Variants in MCF2L2 observed in about 807,000 individuals in gnomAD.
The protein encoded by MCF2L2 is probable guanine nucleotide exchange factor MCF2L2.
Under a neutral mutation model 150.2 loss-of-function variants are expected in MCF2L2, and 102 were observed. That is an observed-to-expected ratio of 0.68 (90% CI 0.58 to 0.80). The LOEUF is 0.80. MCF2L2 is among the 30% of genes least tolerant of loss of function. The pLI, the probability that MCF2L2 is intolerant of heterozygous loss-of-function variation, is 0.00. For synonymous variants in MCF2L2, 465 were observed against 491.3 expected (o/e 0.95, Z 0.71); for missense variants, 1,256 against 1,372.8 (o/e 0.91, Z 1.34).
In MCF2L2 at chr3:183,224,142, C is replaced by T; in HGVS notation, c.2164G>A (p.Ala722Thr). ...YFKYHKNLPR[A>T]RAIWQECQDC... The stretch of plus-strand genomic sequence containing the variant: ...TGACACTCTTGCCAGATTGCCCTAG[C>T]TCGGGGCAGATTCTTATGGTATTTA... The change falls in exon 19 of 30, where the codon GCT becomes ACT. Residue 722 changes from alanine (A) to threonine (T), a missense_variant. Coordinates refer to ENST00000328913, the MANE Select transcript of MCF2L2 (RefSeq NM_015078.4). The T allele has an allele frequency of 6.2e-7, 1 of 1,614,014 alleles. No individual in the cohort carries two copies. Among genetic ancestry groups the T allele is most frequent in the Non-Finnish European group, 8.5e-7 (1 of 1,179,918 alleles).
At chr3:183,282,334 A>T (rs556193687) in intron 14 of MCF2L2, among the ~76,000 whole-genome samples, 2 of 151,786 alleles carry the variant, frequency 1.3e-5, no homozygotes, top group Non-Finnish European at 2.9e-5. Context: ...ACCCGCCACC[A>T]CGCCCAGCTA....
rs1459446404 is a variant in MCF2L2 at position 183,181,271 on chromosome 3, C to G, written c.3017-1112G>C. ...CCCCCAACAAGCCACGTTCTGGGCCCCAGGCCCTCCCCAGAGCAGATCAGT... is the reference window on the plus strand; with the variant it reads ...CCCCCAACAAGCCACGTTCTGGGCCGCAGGCCCTCCCCAGAGCAGATCAGT... On this transcript the variant is annotated intron_variant, in intron 27 of 29. Transcript: ENST00000328913. This position sits in a 1 kb window ranked among gnomAD's most constrained non-coding sequence, Gnocchi z 4.3. 6.6e-6 allele frequency among the ~76,000 whole-genome samples: 1 copy of G among 152,146 alleles called. No individual in the cohort carries two copies. Among genetic ancestry groups the G allele is most frequent in the Non-Finnish European group, 1.5e-5 (1 of 68,026 alleles).
rs1322630748 is a variant in MCF2L2 at position 183,179,343 on chromosome 3, G to A, written c.*37C>T. The A allele has an allele frequency of 2.2e-6, 3 of 1,394,128 alleles. No individual in the cohort carries two copies. In the South Asian group the frequency reaches 4.8e-5, roughly 22 times the overall value. 86.4% of individuals were successfully genotyped at this position (1,394,128 alleles called of 1,614,324 possible). ...CACCGCCTCTCCCGGGAATGCGGGCGCTCTGGAGCCGAGGAGCGGGGGCGT... is the reference window on the plus strand; with the variant it reads ...CACCGCCTCTCCCGGGAATGCGGGCACTCTGGAGCCGAGGAGCGGGGGCGT... On this transcript the variant is annotated 3_prime_UTR_variant, in exon 30 of 30. Transcript: ENST00000328913. This position sits in a 1 kb window ranked among gnomAD's most constrained non-coding sequence, Gnocchi z 4.2.
At chr3:183,304,109 C>T (rs1405011666) in intron 10 of MCF2L2, among the ~76,000 whole-genome samples, 2 of 152,190 alleles carry the variant, frequency 1.3e-5, no homozygotes, top group African/African-American at 4.8e-5. Flanking sequence ...AATCATATTT[C>T]AGACTTCACC....
intron 17 of MCF2L2, among the ~76,000 whole-genome samples, chr3:183,229,108 A>T (rs111986470): frequency 3.1e-4 from 47 of 152,304 alleles, no homozygotes; most frequent in African/African-American, 1.1e-3. Context: ...GGGTCATCAT[A>T]GCGAATAAAG....
chr3:183,298,965 G>C (rs748708385), intron 11 of MCF2L2: 1 of 131,232 alleles, frequency 7.6e-6, no homozygotes, highest in Non-Finnish European at 1.5e-5. Context: ...TGAGGTAAGC[G>C]CCTGGGTGGG....
intron 3 of MCF2L2, among the ~76,000 whole-genome samples, chr3:183,354,351 T>C (rs1246747878): frequency 1.3e-5 from 2 of 152,230 alleles, no homozygotes; most frequent in African/African-American, 4.8e-5. Context: ...TTTCCAGGTC[T>C]TTTCCTGATC....
intron 3 of MCF2L2, among the ~76,000 whole-genome samples, chr3:183,364,651 G>A (rs913632860): frequency 6.6e-6 from 1 of 151,900 alleles, no homozygotes; most frequent in Non-Finnish European, 1.5e-5. Context: ...GCTAACTTAA[G>A]AAGAAAAAAG....
At chr3:183,375,375 C>T (rs1349796103) in intron 3 of MCF2L2, 1 of 152,246 alleles carries the variant, frequency 6.6e-6, no homozygotes, top group Admixed American at 6.5e-5. Context: ...CCCTCTCTTA[C>T]AGGTCTGGAT....
chr3:183,383,717 C>G (rs909074937), intron 2 of MCF2L2, among the ~76,000 whole-genome samples: 2 of 152,194 alleles, frequency 1.3e-5, no homozygotes, highest in African/African-American at 2.4e-5. Flanking sequence ...AGATATGTTA[C>G]TTTACTATAA....
intron 10 of MCF2L2, among the ~76,000 whole-genome samples, chr3:183,302,763 C>A (rs143145200): frequency 6.6e-6 from 1 of 152,140 alleles, no homozygotes; most frequent in Non-Finnish European, 1.5e-5. Context: ...CTCCTCACAG[C>A]GCTTCCCTGG....
chr3:183,402,469 A>G (rs2108613131), intron 1 of MCF2L2, among the ~76,000 whole-genome samples: 1 of 149,886 alleles, frequency 6.7e-6, no homozygotes, highest in Admixed American at 6.7e-5. Flanking sequence ...AAAAAAAAAA[A>G]AAAAGAATAT....
intron 3 of MCF2L2, chr3:183,375,765 C>T (rs915871743): frequency 1.3e-5 from 2 of 152,212 alleles, no homozygotes; most frequent in African/African-American, 2.4e-5. Context: ...TATCCATCCA[C>T]GAGCCCTCTG....
At chr3:183,194,286 CAT>C (rs1722008523) in intron 26 of MCF2L2, among the ~76,000 whole-genome samples, 1 of 152,116 alleles carries the variant, frequency 6.6e-6, no homozygotes, top group Non-Finnish European at 1.5e-5. Context: ...TTTCAACAAA[CAT>C]ATATTGAGTA....
chr3:183,277,536 G>C (rs907368891), intron 14 of MCF2L2, among the ~76,000 whole-genome samples: 7 of 151,796 alleles, frequency 4.6e-5, no homozygotes, highest in Non-Finnish European at 1.0e-4. Context: ...TGGAGGCAGA[G>C]ATGAAGTAAG....
chr3:183,221,037 C>T (rs1723130182), intron 20 of MCF2L2, among the ~76,000 whole-genome samples: 1 of 152,190 alleles, frequency 6.6e-6, no homozygotes, highest in South Asian at 2.1e-4. Context: ...CATTCATGCT[C>T]TTTCAAGCCA....
rs1414486918 is a variant in MCF2L2 at position 183,338,831 on chromosome 3, T to C, written c.455A>G (p.Tyr152Cys). 3 of 1,605,340 alleles carry C rather than the reference T, an allele frequency of 1.9e-6. No individual in the cohort carries two copies. Among genetic ancestry groups the C allele is most frequent in the South Asian group, 2.2e-5 (2 of 90,226 alleles). The change falls in exon 5 of 30, where the codon TAC becomes TGC. Residue 152 changes from tyrosine to cysteine, a missense_variant. By Grantham distance (194) the Tyr-to-Cys change is radical (BLOSUM62 -2). Transcript: ENST00000328913. ...QRTFTDIGIK[Y>C]YRNEFKTKVP... ...TTTCGTTTTAAACTCATTTCGATAGTATTTAATGCCAATGTCAGTGAATGT... is the reference window on the plus strand; with the variant it reads ...TTTCGTTTTAAACTCATTTCGATAGCATTTAATGCCAATGTCAGTGAATGT...
At chr3:183,413,392 T>C (rs1205447466) in intron 1 of MCF2L2, among the ~76,000 whole-genome samples, 2 of 152,196 alleles carry the variant, frequency 1.3e-5, no homozygotes, top group African/African-American at 4.8e-5. Flanking sequence ...GAGAAAATAT[T>C]GTTAGGGTCA....
Position 183,386,507 on chromosome 3 carries a change from C to G in MCF2L2, c.160+3189G>C, listed in dbSNP as rs111876517. On this transcript the variant is annotated intron_variant, in intron 2 of 29. Transcript: ENST00000328913. Reference sequence around the variant, plus strand: ...CAGCCGTGGGAACACATGCACAGTTCAGCAGACCAGGCAGCTAGGGCTGCA... The same window carrying G: ...CAGCCGTGGGAACACATGCACAGTTGAGCAGACCAGGCAGCTAGGGCTGCA... Among the ~76,000 whole-genome samples the G allele has an allele frequency of 3.8e-3, 586 of 152,360 alleles. 4 individuals are homozygous for G. The highest frequency in any genetic ancestry group is 4.5e-3 in the Non-Finnish European group (306 of 68,038).
Sources: gnomAD v4.1 joint callset for allele counts (sites outside exome capture counted in the v4.1 genomes callset) on GRCh38, gnomAD v4.1.1 for gene constraint, Gnocchi (gnomAD v3.1) non-coding constraint, MANE v1.5 for transcripts, NCBI Gene and HGNC (gene_info 2026-07-23, HGNC 2026-07-21) for gene names.